CAPZA2: variants seen among roughly 807,000 people sequenced by gnomAD.
CAPZA2 encodes F-actin-capping protein subunit alpha-2.
In CAPZA2, 13 loss-of-function variants were observed where a neutral mutation model predicts 44.0. The observed-to-expected ratio is 0.30, with a 90% CI of 0.19 to 0.47. CAPZA2 has a LOEUF of 0.47. Among genes scored for constraint, CAPZA2 ranks in the 20% least tolerant of loss-of-function variants. CAPZA2 has a pLI of 1.00. For synonymous variants in CAPZA2, 94 were observed against 108.2 expected, an observed-to-expected ratio of 0.87 and a Z score of 0.81; for missense variants, 244 against 338.6, an observed-to-expected ratio of 0.72 and a Z score of 2.19.
chr7:116,913,216 TTC>T (rs1164383241), intron 8 of CAPZA2, among the ~76,000 whole-genome samples: 1 of 152,240 alleles, frequency 6.6e-6, no homozygotes, highest in Non-Finnish European at 1.5e-5. Flanking sequence ...ATTTTCATCC[TTC>T]TCTGTGTTGT....
Position 116,865,757 on chromosome 7 carries a change from T to A in CAPZA2, c.39+3107T>A, listed in dbSNP as rs28464179. On this transcript the variant is annotated intron_variant, in intron 1 of 9. Coordinates refer to ENST00000361183, the MANE Select transcript of CAPZA2 (RefSeq NM_006136.3). ...AGGACACCCAGCAAATTTAAAAAAA[T>A]TTTTTGTAGAGACAAGGTCTCACGA... Among the ~76,000 whole-genome samples the A allele has an allele frequency of 2.1e-3, 320 of 152,160 alleles. 2 individuals are homozygous for A. Among genetic ancestry groups the A allele is most frequent in the African/African-American group, 7.0e-3 (289 of 41,498 alleles).
chr7:116,910,409 C>A (rs1467252497), intron 7 of CAPZA2, 98 bp downstream of exon 7: 3 of 648,620 alleles, frequency 4.6e-6, no homozygotes, highest in Non-Finnish European at 5.5e-6. Flanking sequence ...ATACACATTT[C>A]TTTTTCAGGT....
Position 116,877,415 on chromosome 7 carries a change from G to A in CAPZA2, c.40-10712G>A, listed in dbSNP as rs952716400. 3.9e-5 allele frequency among the ~76,000 whole-genome samples: 6 copies of A among 152,202 alleles called. 1 individual carries two copies. The highest frequency in any genetic ancestry group is 5.9e-5 in the Non-Finnish European group (4 of 68,046). On this transcript the variant is annotated intron_variant, in intron 1 of 9. Transcript: ENST00000361183. ...ATGTATATGAAGTGATATGGCAAGC[G>A]GGAAGACGAGAGTTCTTGTTTGAGA...
rs750774687 is a variant in CAPZA2, at chr7:116,906,300, T to C, written c.464T>C (p.Ile155Thr). The C allele has an allele frequency of 1.7e-5, 28 of 1,612,814 alleles. No individual in the cohort carries two copies. Among genetic ancestry groups the C allele is most frequent in the Non-Finnish European group, 2.3e-5 (27 of 1,179,798 alleles). Residue 155 changes from isoleucine (I) to threonine (T), a missense_variant, in exon 6 of 10, where the codon ATT becomes ACT. Transcript: ENST00000361183. ...GKKIDGQQTIIACIESHQFQA... is the reference protein window; with the variant it reads ...GKKIDGQQTITACIESHQFQA... ...AAAATAGATGGACAGCAAACCATTATTGCATGCATAGAAAGCCATCAGTTC... is the reference window on the plus strand; with the variant it reads ...AAAATAGATGGACAGCAAACCATTACTGCATGCATAGAAAGCCATCAGTTC...
intron 1 of CAPZA2, among the ~76,000 whole-genome samples, chr7:116,885,823 C>A (rs1372962945): frequency 6.6e-6 from 1 of 152,184 alleles, no homozygotes; most frequent in East Asian, 1.9e-4. Flanking sequence ...TCTTCCGAAG[C>A]TCTCCAAACC....
intron 3 of CAPZA2, 86 bp downstream of exon 3, chr7:116,893,131 G>GT (rs1562960567): frequency 2.4e-6 from 2 of 850,418 alleles, no homozygotes; most frequent in Admixed American, 2.7e-5. Flanking sequence ...TTTTTTGTGG[G>GT]TTTTTTTGTT....
chr7:116,888,252 A>G, intron 2 of CAPZA2, 62 bp downstream of exon 2: 1 of 1,104,372 alleles, frequency 9.1e-7, no homozygotes, highest in Admixed American at 1.9e-5. Flanking sequence ...AAAGAAAACC[A>G]AAATAATCAA....
chr7:116,907,807 C>T (rs767188120), intron 6 of CAPZA2, among the ~76,000 whole-genome samples: 83 of 152,148 alleles, frequency 5.5e-4, no homozygotes, highest in Admixed American at 5.2e-4. Context: ...CTCACTATTT[C>T]ACTTTACAAG....
chr7:116,904,439 C>A, intron 5 of CAPZA2, 56 bp downstream of exon 5: 3 of 1,038,128 alleles, frequency 2.9e-6, no homozygotes, highest in Non-Finnish European at 4.4e-6. Flanking sequence ...GAGTCTTTAG[C>A]GTCTCTTAAA....
chr7:116,903,233 A>AGAGTGTGTGTGTGTGTGTGTGTGTGT, intron 4 of CAPZA2, among the ~76,000 whole-genome samples: 1 of 146,340 alleles, frequency 6.8e-6, no homozygotes, highest in Non-Finnish European at 1.5e-5. Flanking sequence ...TGCAGAGAAG[A>AGAGTGTGTGTGTGTGTGTGTGTGTGT]GTGTGTGTGT....
At chr7:116,910,362 A>G in intron 7 of CAPZA2, 51 bp downstream of exon 7, 2 of 869,986 alleles carry the variant, frequency 2.3e-6, no homozygotes, top group Non-Finnish European at 3.9e-6. Flanking sequence ...GAACAGAGAA[A>G]CAACTAATTC....
intron 1 of CAPZA2, among the ~76,000 whole-genome samples, chr7:116,886,468 T>C (rs971103933): frequency 1.3e-5 from 2 of 152,238 alleles, no homozygotes; most frequent in African/African-American, 4.8e-5. Context: ...TAGATACATG[T>C]ACATGCACAC....
At chr7:116,912,172 C>T (rs1183021914) in intron 8 of CAPZA2, 32 bp downstream of exon 8, 2 of 1,605,608 alleles carry the variant, frequency 1.2e-6, no homozygotes, top group Non-Finnish European at 1.7e-6. Context: ...AAAATTTAAC[C>T]TAATACTTCT....
intron 1 of CAPZA2, among the ~76,000 whole-genome samples, chr7:116,886,730 A>G (rs1235859990): frequency 2.0e-5 from 3 of 152,196 alleles, no homozygotes; most frequent in Non-Finnish European, 2.9e-5. Context: ...TCTGGGGCCA[A>G]TGAATTTGCA....
rs934725989 is a variant in CAPZA2, at chr7:116,899,742, T to G, written c.219+907T>G. Among the ~76,000 whole-genome samples, 10 of 151,668 alleles carry G rather than the reference T, an allele frequency of 6.6e-5. No individual in the cohort carries two copies. The South Asian group carries it at 1.0e-3, about 16-fold the overall frequency. On this transcript the variant is annotated intron_variant, in intron 4 of 9. Transcript: ENST00000361183. Reference sequence around the variant, plus strand: ...GTACCTCTTATATTAACAATTTTTTTGGGATAAATTGCTATAAGAAAATTT... The same window carrying G: ...GTACCTCTTATATTAACAATTTTTTGGGGATAAATTGCTATAAGAAAATTT...
intron 1 of CAPZA2, among the ~76,000 whole-genome samples, 188 bp downstream of exon 1, chr7:116,862,838 G>T (rs1378161280): frequency 1.3e-5 from 2 of 152,044 alleles, no homozygotes; most frequent in African/African-American, 4.8e-5. Flanking sequence ...CCGCGCGGGG[G>T]CAGGTCTCTG....
At chr7:116,885,911 C>T (rs763630620) in intron 1 of CAPZA2, among the ~76,000 whole-genome samples, 4 of 152,224 alleles carry the variant, frequency 2.6e-5, no homozygotes, top group East Asian at 1.9e-4. Flanking sequence ...ATAAACATAA[C>T]CTTCAGCCCT....
rs1010579174 is a variant in CAPZA2, at chr7:116,921,759, A to T, written c.*3892A>T. On this transcript the variant is annotated 3_prime_UTR_variant, in exon 10 of 10. Transcript: ENST00000361183. ...ATTAAAATTGAGGTTTTGAGGAGTTACTAGTAATGACAAATATGACCAACG... is the reference window on the plus strand; with the variant it reads ...ATTAAAATTGAGGTTTTGAGGAGTTTCTAGTAATGACAAATATGACCAACG... 4 of 152,206 alleles carry T rather than the reference A, an allele frequency of 2.6e-5. No homozygotes were observed. Among genetic ancestry groups the T allele is most frequent in the African/African-American group, 9.7e-5 (4 of 41,446 alleles). The allele number at this position is 152,206 out of a possible 1,614,324, so 9.4% of individuals were successfully genotyped here.
At chr7:116,866,081 A>G (rs1796478558) in intron 1 of CAPZA2, among the ~76,000 whole-genome samples, 1 of 152,222 alleles carries the variant, frequency 6.6e-6, no homozygotes, top group Non-Finnish European at 1.5e-5. Flanking sequence ...ATGAAGTTTA[A>G]TAACCTTTTC....
Sources: gnomAD v4.1 joint callset for allele counts (sites outside exome capture counted in the v4.1 genomes callset) on GRCh38, gnomAD v4.1.1 for gene constraint, MANE v1.5 for transcripts, NCBI Gene and HGNC (gene_info 2026-07-23, HGNC 2026-07-21) for gene names.